Variants in LSAMP observed in about 807,000 individuals in gnomAD.
LSAMP encodes limbic system-associated membrane protein.
In LSAMP, 7 loss-of-function variants were observed where a neutral mutation model predicts 38.6. That is an observed-to-expected ratio of 0.18 (90% CI 0.10 to 0.34). The LOEUF (loss-of-function observed/expected upper bound fraction) is 0.34, where lower values mean the gene tolerates loss of function less well. Among genes scored for constraint, LSAMP ranks in the 10% least tolerant of loss-of-function variants. The probability of loss-of-function intolerance (pLI) is 1.00; values close to 1 mark genes in which losing one functional copy is unlikely to be tolerated. For synonymous variants in LSAMP, 154 were observed against 166.8 expected (o/e 0.92, Z 0.59); for missense variants, 313 against 420.0 (o/e 0.75, Z 2.23).
intron 1 of LSAMP, among the ~76,000 whole-genome samples, chr3:116,352,645 A>G (rs959788307): frequency 9.9e-5 from 15 of 152,166 alleles, no homozygotes; most frequent in African/African-American, 3.4e-4. Context: ...ATGTACCTCA[A>G]AGTAAAACAT....
At chr3:116,199,059 G>A (rs927860240) in intron 1 of LSAMP, among the ~76,000 whole-genome samples, 1 of 152,072 alleles carries the variant, frequency 6.6e-6, no homozygotes, top group Admixed American at 6.6e-5. Flanking sequence ...ACTATAGCCT[G>A]TGTGACAGAG....
intron 3 of LSAMP, among the ~76,000 whole-genome samples, chr3:116,018,446 G>A (rs1940546636): frequency 6.6e-6 from 1 of 152,020 alleles, no homozygotes; most frequent in Non-Finnish European, 1.5e-5. Flanking sequence ...TTTTTATGGT[G>A]TTCATTTTAA....
At chr3:116,391,224 C>T (rs940944503) in intron 1 of LSAMP, among the ~76,000 whole-genome samples, 3 of 151,704 alleles carry the variant, frequency 2.0e-5, no homozygotes, top group Admixed American at 2.0e-4. Flanking sequence ...GCGGCTGCTG[C>T]CATCGCGCTG....
intron 1 of LSAMP, among the ~76,000 whole-genome samples, chr3:116,226,128 T>G (rs951111708): frequency 1.3e-5 from 2 of 152,206 alleles, no homozygotes; most frequent in Non-Finnish European, 2.9e-5. Flanking sequence ...TCTCCCCTGC[T>G]GAAACTTGGT....
At chr3:115,905,177 A>C (rs1349800588) in intron 3 of LSAMP, among the ~76,000 whole-genome samples, 1 of 152,136 alleles carries the variant, frequency 6.6e-6, no homozygotes, top group Non-Finnish European at 1.5e-5. Flanking sequence ...ATGAACAGCC[A>C]AAATTGCTCT....
intron 1 of LSAMP, among the ~76,000 whole-genome samples, chr3:116,264,528 C>T (rs1311084058): frequency 1.3e-5 from 2 of 152,126 alleles, no homozygotes; most frequent in African/African-American, 4.8e-5. Context: ...TTCTGCTTTA[C>T]TGTGACTGTC....
At chr3:116,031,252 C>T (rs1486226680) in intron 2 of LSAMP, among the ~76,000 whole-genome samples, 1 of 151,998 alleles carries the variant, frequency 6.6e-6, no homozygotes, top group African/African-American at 2.4e-5. Flanking sequence ...TACTGAGTGC[C>T]TACAACACAT....
At chr3:116,123,294 T>C (rs1298721969) in intron 1 of LSAMP, among the ~76,000 whole-genome samples, 1 of 152,224 alleles carries the variant, frequency 6.6e-6, no homozygotes, top group African/African-American at 2.4e-5. Flanking sequence ...GAGGAGGCCA[T>C]GACACCTCCT....
chr3:115,939,520 T>C (rs979601268), intron 3 of LSAMP, among the ~76,000 whole-genome samples: 5 of 129,228 alleles, frequency 3.9e-5, no homozygotes, highest in African/African-American at 1.1e-4. Context: ...TTTTTCTTTA[T>C]GTTCTCTTTC....
In LSAMP at chr3:115,988,049, A is replaced by G. The variant is rs375319147; in HGVS notation, c.514+31466T>C. ...GACTGGATGACTTCTTATTCTGCTA[A>G]TATCTTCATGATCCCATCTCCTCTG... On this transcript the variant is annotated intron_variant, in intron 3 of 6. Transcript: ENST00000490035. Among the ~76,000 whole-genome samples, 15 of 152,172 alleles carry G rather than the reference A, an allele frequency of 9.9e-5. 1 individual carries two copies. The East Asian group carries it at 2.7e-3, about 28-fold the overall frequency.
chr3:115,997,981 T>G (rs1309592852), intron 3 of LSAMP, among the ~76,000 whole-genome samples: 2 of 149,098 alleles, frequency 1.3e-5, no homozygotes, highest in African/African-American at 4.9e-5. Flanking sequence ...ATATATCGTG[T>G]GTGTGATATG....
intron 3 of LSAMP, among the ~76,000 whole-genome samples, chr3:115,857,310 G>A (rs1935537911): frequency 6.6e-6 from 1 of 152,060 alleles, no homozygotes; most frequent in South Asian, 2.1e-4. Context: ...TCCCCAAGAG[G>A]GCAACTTTTC....
chr3:115,910,788 T>C lies in LSAMP; in HGVS notation c.515-58171A>G, dbSNP rs117754282. Among the ~76,000 whole-genome samples, 631 of 152,340 alleles carry C rather than the reference T, an allele frequency of 4.1e-3. 9 individuals carry two copies. The East Asian group carries it at 0.05, about 12-fold the overall frequency. ...CAAGAGTATTATATAAATGAAGTTA[T>C]ACAGTATGCAACTGTTGGCATAGAC... On this transcript the variant is annotated intron_variant, in intron 3 of 6. Coordinates refer to ENST00000490035, the MANE Select transcript of LSAMP (RefSeq NM_002338.5).
intron 1 of LSAMP, among the ~76,000 whole-genome samples, chr3:116,272,917 G>T (rs762563699): frequency 6.6e-6 from 1 of 151,894 alleles, no homozygotes; most frequent in Non-Finnish European, 1.5e-5. Context: ...GAGCATTTTG[G>T]GCATAAATAA....
chr3:115,854,276 ATTATTATTTTTT>A (rs1353651218), intron 3 of LSAMP, among the ~76,000 whole-genome samples: 1 of 119,604 alleles, frequency 8.4e-6, no homozygotes, highest in Non-Finnish European at 1.7e-5. Context: ...TATTATTATT[ATTATTATTTTTT>A]TTTTTTTTTT....
At chr3:116,432,477 G>A (rs1553735781) in intron 1 of LSAMP, among the ~76,000 whole-genome samples, 2 of 151,576 alleles carry the variant, frequency 1.3e-5, no homozygotes, top group African/African-American at 2.4e-5. Flanking sequence ...TAGATTTTGA[G>A]TTCTGTTTTA....
Position 116,248,506 on chromosome 3 carries a change from T to A in LSAMP, c.156-161950A>T, listed in dbSNP as rs1034842693. Among the ~76,000 whole-genome samples, 42 of 151,106 alleles carry A rather than the reference T, an allele frequency of 2.8e-4. 2 individuals carry two copies. In the South Asian group the frequency reaches 4.8e-3, roughly 17 times the overall value. On this transcript the variant is annotated intron_variant, in intron 1 of 6. Transcript: ENST00000490035. ...GTGTGTGTGTGTGTGTGTGTGTGTGTGTGTGTGTGTGTGTGTGTGTGTGTG... is the reference window on the plus strand; with the variant it reads ...GTGTGTGTGTGTGTGTGTGTGTGTGAGTGTGTGTGTGTGTGTGTGTGTGTG...
intron 1 of LSAMP, among the ~76,000 whole-genome samples, chr3:116,254,166 A>T (rs1441805504): frequency 6.6e-6 from 1 of 152,156 alleles, no homozygotes; most frequent in Non-Finnish European, 1.5e-5. Context: ...ACCATCCAAC[A>T]CAGAGAAGGA....
intron 3 of LSAMP, among the ~76,000 whole-genome samples, chr3:115,972,254 C>T (rs1163521245): frequency 6.6e-6 from 1 of 151,856 alleles, no homozygotes; most frequent in Non-Finnish European, 1.5e-5. Flanking sequence ...AAATTTATAG[C>T]AACTAAATCA....
Sources: allele counts gnomAD v4.1 joint callset (sites outside exome capture counted in the v4.1 genomes callset), GRCh38; gene constraint gnomAD v4.1.1; transcripts MANE v1.5; gene names NCBI Gene and HGNC (gene_info 2026-07-23, HGNC 2026-07-21).